LSAMP: variants seen among roughly 807,000 people sequenced by gnomAD.
LSAMP encodes limbic system-associated membrane protein.
In LSAMP, 7 loss-of-function variants were observed where a neutral mutation model predicts 38.6. The observed-to-expected ratio is 0.18, with a 90% CI of 0.10 to 0.34. The LOEUF (loss-of-function observed/expected upper bound fraction) is 0.34, where lower values mean the gene tolerates loss of function less well. LSAMP is among the 10% of genes least tolerant of loss of function. The pLI, the probability that LSAMP is intolerant of heterozygous loss-of-function variation, is 1.00. For synonymous variants in LSAMP, 154 were observed against 166.8 expected, an observed-to-expected ratio of 0.92 and a Z score of 0.59; for missense variants, 313 against 420.0, an observed-to-expected ratio of 0.75 and a Z score of 2.23.
intron 4 of LSAMP, among the ~76,000 whole-genome samples, chr3:115,848,422 TCAAAAA>T (rs2107516233): frequency 6.6e-6 from 1 of 152,322 alleles, no homozygotes; most frequent in South Asian, 2.1e-4. Context: ...AGACCCTGTC[TCAAAAA>T]CAAACAAACA....
chr3:115,830,716 C>G, intron 6 of LSAMP, among the ~76,000 whole-genome samples: 1 of 152,210 alleles, frequency 6.6e-6, no homozygotes, highest in Middle Eastern at 3.4e-3. Context: ...GGATGGTATT[C>G]TACAGAAAAT....
In LSAMP at chr3:116,445,169, T is replaced by C; in HGVS notation, c.-138A>G. On this transcript the variant is annotated 5_prime_UTR_variant, in exon 1 of 7. Transcript: ENST00000490035. ...TTTGCCAGTTTATGGTCCTTTCCAC[T>C]TTGCCTCTCTCTTTCCCTCGCTCAG... is the stretch of plus-strand genomic sequence containing the variant. The C allele has an allele frequency of 1.3e-6, 1 of 779,592 alleles. No homozygotes were observed. The highest frequency in any genetic ancestry group is 2.0e-6 in the Non-Finnish European group (1 of 496,656). The allele number at this position is 779,592 out of a possible 1,614,324, so 48.3% of individuals were successfully genotyped here.
intron 3 of LSAMP, among the ~76,000 whole-genome samples, chr3:115,918,151 G>A (rs1937295721): frequency 6.6e-6 from 1 of 152,098 alleles, no homozygotes. Context: ...GACAAAGAAG[G>A]ATTTTTATTT....
At chr3:116,105,393 G>T (rs1708440830) in intron 1 of LSAMP, among the ~76,000 whole-genome samples, 1 of 152,188 alleles carries the variant, frequency 6.6e-6, no homozygotes, top group South Asian at 2.1e-4. Flanking sequence ...CACCAAACAG[G>T]CTTTGTGTGA....
intron 3 of LSAMP, among the ~76,000 whole-genome samples, chr3:115,987,589 T>C (rs1361563008): frequency 6.6e-6 from 1 of 152,188 alleles, no homozygotes; most frequent in Non-Finnish European, 1.5e-5. Context: ...ACTAAATAAG[T>C]AACACTGTTT....
At chr3:116,135,086 G>C (rs1709218833) in intron 1 of LSAMP, among the ~76,000 whole-genome samples, 1 of 152,054 alleles carries the variant, frequency 6.6e-6, no homozygotes, top group South Asian at 2.1e-4. Context: ...GCATTATTAT[G>C]TTCATAACCA....
At chr3:115,981,509 GATCT>G (rs545286652) in intron 3 of LSAMP, among the ~76,000 whole-genome samples, 33 of 151,984 alleles carry the variant, frequency 2.2e-4, no homozygotes, top group Admixed American at 1.9e-3. Flanking sequence ...AATGCACTCT[GATCT>G]ATTATTTTAT....
intron 1 of LSAMP, among the ~76,000 whole-genome samples, chr3:116,414,376 T>C (rs78439356): frequency 0.041 from 6,262 of 152,160 alleles, 409 homozygotes; most frequent in African/African-American, 0.14. Flanking sequence ...AGCACAATTC[T>C]TTCTGCATAT....
At chr3:116,286,492 A>G (rs1272588336) in intron 1 of LSAMP, among the ~76,000 whole-genome samples, 1 of 152,216 alleles carries the variant, frequency 6.6e-6, no homozygotes, top group Non-Finnish European at 1.5e-5. Flanking sequence ...ATAGCAATTC[A>G]GGCTCAGAGT....
chr3:116,391,586 G>A (rs931231477), intron 1 of LSAMP, among the ~76,000 whole-genome samples: 3 of 122,148 alleles, frequency 2.5e-5, no homozygotes, highest in Admixed American at 8.7e-5. Context: ...GAAGCAGGGC[G>A]CGGGGGTGGC....
intron 2 of LSAMP, among the ~76,000 whole-genome samples, chr3:116,036,702 GATAAT>G (rs1280553435): frequency 1.4e-5 from 2 of 141,428 alleles, no homozygotes; most frequent in Admixed American, 6.9e-5. Context: ...TCTAAACAAA[GATAAT>G]ATAAGAGTAT....
At chr3:116,209,795 A>C (rs991868323) in intron 1 of LSAMP, among the ~76,000 whole-genome samples, 10 of 152,080 alleles carry the variant, frequency 6.6e-5, no homozygotes, top group African/African-American at 2.4e-4. Flanking sequence ...TCTGTCCCCC[A>C]GGCTGGAGCG....
At chr3:115,913,941 G>A (rs1937190395) in intron 3 of LSAMP, among the ~76,000 whole-genome samples, 1 of 151,602 alleles carries the variant, frequency 6.6e-6, no homozygotes, top group South Asian at 2.1e-4. Flanking sequence ...GAGAGTTCCA[G>A]GGAACTGTAT....
intron 1 of LSAMP, among the ~76,000 whole-genome samples, chr3:116,270,325 T>C (rs1021130835): frequency 1.3e-5 from 2 of 152,126 alleles, no homozygotes; most frequent in African/African-American, 4.8e-5. Flanking sequence ...TCCATTTATC[T>C]GGATGACCAC....
intron 1 of LSAMP, among the ~76,000 whole-genome samples, chr3:116,284,271 C>T (rs1161245453): frequency 6.6e-6 from 1 of 152,042 alleles, no homozygotes; most frequent in African/African-American, 2.4e-5. Context: ...CAATTTACTA[C>T]CTTGGTGTTT....
rs183306592 is a variant in LSAMP at position 116,164,717 on chromosome 3, A to G, written c.156-78161T>C. ...ATATATATATATAATCCAAATATATATATATAATCCAAATATATATATATC... is the reference window on the plus strand; with the variant it reads ...ATATATATATATAATCCAAATATATGTATATAATCCAAATATATATATATC... On this transcript the variant is annotated intron_variant, in intron 1 of 6. Coordinates refer to ENST00000490035, the MANE Select transcript of LSAMP (RefSeq NM_002338.5). 4.9e-3 allele frequency among the ~76,000 whole-genome samples: 680 copies of G among 137,828 alleles called. 23 individuals carry two copies. Among genetic ancestry groups the G allele is most frequent in the African/African-American group, 0.018 (654 of 36,896 alleles). The allele number at this position is 137,828 out of a possible 152,430, so 90.4% of individuals were successfully genotyped here. A position where few individuals can be genotyped will look rare whatever the true frequency, so the allele number is the denominator to read the frequency against.
intron 3 of LSAMP, among the ~76,000 whole-genome samples, chr3:116,004,199 C>T (rs779072349): frequency 5.2e-4 from 79 of 152,014 alleles, no homozygotes; most frequent in Admixed American, 2.0e-3. Context: ...CAGTGTGGTC[C>T]CAAATGGTTT....
At chr3:115,850,829 C>T (rs1935306613) in intron 4 of LSAMP, among the ~76,000 whole-genome samples, 1 of 152,174 alleles carries the variant, frequency 6.6e-6, no homozygotes, top group African/African-American at 2.4e-5. Context: ...TGGTGCATCC[C>T]AGCATAGGCT....
intron 2 of LSAMP, among the ~76,000 whole-genome samples, chr3:116,076,516 C>T (rs896843212): frequency 2.0e-5 from 3 of 152,130 alleles, no homozygotes; most frequent in Admixed American, 6.5e-5. Flanking sequence ...CTCAGCCTCC[C>T]AAAGTGCTGG....
Sources: gnomAD v4.1 joint callset for allele counts (sites outside exome capture counted in the v4.1 genomes callset) on GRCh38, gnomAD v4.1.1 for gene constraint, MANE v1.5 for transcripts, NCBI Gene and HGNC (gene_info 2026-07-23, HGNC 2026-07-21) for gene names.